Variants in PRKCQ observed in about 807,000 individuals in gnomAD.
PRKCQ encodes the protein protein kinase C theta.
In PRKCQ, 41 loss-of-function variants were observed where a neutral mutation model predicts 91.2. The ratio of observed to expected loss-of-function variants is 0.45; its 90% CI spans 0.35 to 0.58. PRKCQ has a LOEUF of 0.58. Among genes scored for constraint, PRKCQ ranks in the 20% least tolerant of loss-of-function variants. The pLI is 0.00. For missense variants in PRKCQ, 673 were observed against 896.5 expected, an observed-to-expected ratio of 0.75 and a Z score of 3.18; for synonymous variants, 307 against 316.9, an observed-to-expected ratio of 0.97 and a Z score of 0.33.
rs11818679 is a variant in PRKCQ at position 6,540,633 on chromosome 10, C to T, written c.-9-25489G>A. ...TATGCCCCATTTTGTTTGTTTGTTCCTCTGCTGATGAACATTTGGGCTGTT... is the reference window on the plus strand; with the variant it reads ...TATGCCCCATTTTGTTTGTTTGTTCTTCTGCTGATGAACATTTGGGCTGTT... On this transcript the variant is annotated intron_variant, in intron 1 of 17. Transcript: ENST00000263125. 4.1e-3 allele frequency among the ~76,000 whole-genome samples: 630 copies of T among 152,200 alleles called. 1 individual carries two copies. Among genetic ancestry groups the T allele is most frequent in the African/African-American group, 0.014 (591 of 41,534 alleles).
intron 1 of PRKCQ, among the ~76,000 whole-genome samples, chr10:6,530,588 A>G (rs1839357939): frequency 6.6e-6 from 1 of 152,136 alleles, no homozygotes; most frequent in Admixed American, 6.5e-5. Flanking sequence ...TGGACTAGGG[A>G]AGGGCACCGG....
At chr10:6,527,184 C>G (rs1223094404) in intron 1 of PRKCQ, among the ~76,000 whole-genome samples, 1 of 152,152 alleles carries the variant, frequency 6.6e-6, no homozygotes, top group Non-Finnish European at 1.5e-5. Context: ...GATAGCTTTT[C>G]TGAATCAAGA....
At chr10:6,505,827 G>A (rs1407955108) in intron 4 of PRKCQ, among the ~76,000 whole-genome samples, 1 of 152,022 alleles carries the variant, frequency 6.6e-6, no homozygotes, top group East Asian at 1.9e-4. Flanking sequence ...TGTATTTTTG[G>A]TAGAGAATGG....
rs1889001 is a variant in PRKCQ, at chr10:6,430,285, C to G, written c.1965+525G>C. ...CATAAATGGAAATGTACAGACCTAT[C>G]TTTTTTAAAGCACGGATTTAGTTAG... On this transcript the variant is annotated intron_variant, in intron 17 of 17. Transcript: ENST00000263125. The surrounding 1 kb of genome is among the most constrained non-coding windows in gnomAD (Gnocchi z 4.7). Among the ~76,000 whole-genome samples, 1 of 152,064 alleles carries G rather than the reference C, an allele frequency of 6.6e-6. No homozygotes were observed. Among genetic ancestry groups the G allele is most frequent in the Admixed American group, 6.5e-5 (1 of 15,272 alleles).
intron 1 of PRKCQ, among the ~76,000 whole-genome samples, chr10:6,556,400 C>G (rs1035517781): frequency 3.4e-5 from 5 of 146,212 alleles, no homozygotes; most frequent in African/African-American, 1.0e-4. Flanking sequence ...CCACTGCACT[C>G]CAGCCTGAGC....
chr10:6,468,786 C>T (rs1309472458), intron 12 of PRKCQ, among the ~76,000 whole-genome samples: 1 of 152,110 alleles, frequency 6.6e-6, no homozygotes, highest in Non-Finnish European at 1.5e-5. Flanking sequence ...TTCAAAGTAT[C>T]ATATGTTAAG....
Position 6,497,605 on chromosome 10 carries a change from G to T in PRKCQ, c.543-354C>A, listed in dbSNP as rs75693930. On this transcript the variant is annotated intron_variant, in intron 5 of 17. Coordinates refer to ENST00000263125, the MANE Select transcript of PRKCQ (RefSeq NM_006257.5). The surrounding 1 kb of genome is among the most constrained non-coding windows in gnomAD (Gnocchi z 4.5). ...TGGCCTCGCTGAGCTCACTACAGACGAACAAAGACATCTGTAACATTTTAT... is the reference window on the plus strand; with the variant it reads ...TGGCCTCGCTGAGCTCACTACAGACTAACAAAGACATCTGTAACATTTTAT... 2.0e-4 allele frequency among the ~76,000 whole-genome samples: 30 copies of T among 152,258 alleles called. No homozygotes were observed. Among genetic ancestry groups the T allele is most frequent in the African/African-American group, 7.2e-4 (30 of 41,534 alleles).
At chr10:6,513,447 CAAAAAAAA>C (rs58606251) in intron 2 of PRKCQ, among the ~76,000 whole-genome samples, 8 of 105,562 alleles carry the variant, frequency 7.6e-5, no homozygotes, top group Non-Finnish European at 1.1e-4. Context: ...AGGCCAAATG[CAAAAAAAA>C]AAAAAAAAAA....
At chr10:6,549,682 G>C (rs1798312428) in intron 1 of PRKCQ, among the ~76,000 whole-genome samples, 1 of 147,556 alleles carries the variant, frequency 6.8e-6, no homozygotes, top group Non-Finnish European at 1.5e-5. Context: ...CTAGGCTGGA[G>C]TGCAATGGCA....
At chr10:6,482,630 T>C (rs941861778) in intron 11 of PRKCQ, among the ~76,000 whole-genome samples, 1 of 152,190 alleles carries the variant, frequency 6.6e-6, no homozygotes, top group Non-Finnish European at 1.5e-5. Context: ...TGAGATTTTG[T>C]TATAGCAGCC....
chr10:6,519,851 C>T (rs1266142174), intron 1 of PRKCQ, among the ~76,000 whole-genome samples: 1 of 152,172 alleles, frequency 6.6e-6, no homozygotes, highest in Non-Finnish European at 1.5e-5. Flanking sequence ...ATATATCTGA[C>T]TCTATTGTGT....
the PRKCQ span, among the ~76,000 whole-genome samples, chr10:6,397,987 A>G: frequency 9.9e-5 from 15 of 152,178 alleles, no homozygotes; most frequent in African/African-American, 3.6e-4. Context: ...CCTATGTTTT[A>G]TTTTAAGAAT....
At chr10:6,455,693 C>G (rs769302075) in intron 15 of PRKCQ, among the ~76,000 whole-genome samples, 1 of 152,116 alleles carries the variant, frequency 6.6e-6, no homozygotes, top group Non-Finnish European at 1.5e-5. Flanking sequence ...ACAAATCTAC[C>G]CATGAGAGAA....
chr10:6,508,631 C>A (rs186199770), intron 3 of PRKCQ, among the ~76,000 whole-genome samples: 33 of 152,290 alleles, frequency 2.2e-4, no homozygotes, highest in African/African-American at 7.7e-4. Context: ...ATGTATGCAC[C>A]ATTGTTCTCT....
chr10:6,408,509 CA>C, the PRKCQ span, among the ~76,000 whole-genome samples: 1 of 152,106 alleles, frequency 6.6e-6, no homozygotes, highest in Non-Finnish European at 1.5e-5. Context: ...CGCCTGCCAC[CA>C]CACCCAGCTA....
In PRKCQ at chr10:6,491,916, C is replaced by G. The variant is rs1588755308; in HGVS notation, c.661-104G>C. 3.4e-6 allele frequency: 5 copies of G among 1,463,438 alleles called. No homozygotes were observed. In the South Asian group the frequency reaches 3.7e-5, roughly 11 times the overall value. The allele number at this position is 1,463,438 out of a possible 1,614,324, so 90.7% of individuals were successfully genotyped here. A position where few individuals can be genotyped will look rare whatever the true frequency, so the allele number is the denominator to read the frequency against. The stretch of plus-strand genomic sequence containing the variant: ...ACTAACAGAGATCATAATGAAAACA[C>G]TGGCATTGTGTGCATTTTAAACCAT... On this transcript the variant is annotated intron_variant, in intron 7 of 17. Coordinates refer to ENST00000263125, the MANE Select transcript of PRKCQ (RefSeq NM_006257.5).
At position 6,483,722 on chromosome 10, in the gene PRKCQ, G is replaced by A. The variant is rs78072583; in HGVS notation, c.1019-122C>T. The A allele has an allele frequency of 2.2e-3, 2,536 of 1,138,528 alleles. 36 individuals are homozygous for A. In the African/African-American group the frequency reaches 0.035, roughly 16 times the overall value. 70.5% of individuals were successfully genotyped at this position (1,138,528 alleles called of 1,614,324 possible). ...AGGCTCCATCATAGTAATTGGGGGT[G>A]TTTAGAGGGTTTCCTACAGTTCAGG... On this transcript the variant is annotated intron_variant, in intron 10 of 17. Coordinates refer to ENST00000263125, the MANE Select transcript of PRKCQ (RefSeq NM_006257.5).
chr10:6,443,284 A>G (rs1834071263), intron 15 of PRKCQ, among the ~76,000 whole-genome samples: 1 of 152,224 alleles, frequency 6.6e-6, no homozygotes, highest in Non-Finnish European at 1.5e-5. Context: ...CCATCCATGG[A>G]TGAAAGAAAT....
At chr10:6,419,532 T>C in the PRKCQ span, among the ~76,000 whole-genome samples, 69 of 152,350 alleles carry the variant, frequency 4.5e-4, no homozygotes, top group African/African-American at 1.4e-3. Flanking sequence ...ATTTACATTA[T>C]CATTACTCAC....
Sources: gnomAD v4.1 joint callset for allele counts (sites outside exome capture counted in the v4.1 genomes callset) on GRCh38, gnomAD v4.1.1 for gene constraint, Gnocchi (gnomAD v3.1) non-coding constraint, MANE v1.5 for transcripts, NCBI Gene and HGNC (gene_info 2026-07-23, HGNC 2026-07-21) for gene names.